Variants in NECTIN3 observed in about 807,000 individuals in gnomAD.
NECTIN3 encodes the protein nectin-3.
Under a neutral mutation model 49.4 loss-of-function variants are expected in NECTIN3, and 8 were observed. The ratio of observed to expected loss-of-function variants is 0.16; its 90% confidence interval spans 0.10 to 0.29. NECTIN3 has a LOEUF of 0.29. Ranked by LOEUF, NECTIN3 falls within the 10% of genes least tolerant of loss-of-function variation. The probability of loss-of-function intolerance (pLI) is 1.00; values close to 1 mark genes in which losing one functional copy is unlikely to be tolerated. For synonymous variants in NECTIN3, 277 were observed against 241.1 expected (o/e 1.15, Z -1.38); for missense variants, 581 against 654.6 (o/e 0.89, Z 1.23).
rs1411619490 is a variant in NECTIN3, at chr3:111,071,998, G to A, written c.-20G>A. 8.9e-6 allele frequency: 13 copies of A among 1,468,632 alleles called. No homozygotes were observed. The highest frequency in any genetic ancestry group is 2.8e-5 in the East Asian group (1 of 35,154). The allele number at this position is 1,468,632 out of a possible 1,614,324, so 91.0% of individuals were successfully genotyped here. A position where few individuals can be genotyped will look rare whatever the true frequency, so the allele number is the denominator to read the frequency against. On this transcript the variant is annotated 5_prime_UTR_variant, in exon 1 of 6. Coordinates refer to ENST00000485303, the MANE Select transcript of NECTIN3 (RefSeq NM_015480.3). ...GAGCCGGGGGGCGGGCGGGCGAGCGGGCCGGGGGGAGGGTGGGGGATGGCG... is the reference window on the plus strand; with the variant it reads ...GAGCCGGGGGGCGGGCGGGCGAGCGAGCCGGGGGGAGGGTGGGGGATGGCG...
chr3:111,154,894 A>G (rs1173072716), intron 7 of NECTIN3, among the ~76,000 whole-genome samples: 1 of 152,092 alleles, frequency 6.6e-6, no homozygotes, highest in East Asian at 1.9e-4. Context: ...TTTGTCAGCT[A>G]TATAATTAGA....
At chr3:111,129,954 A>AT (rs547491944) in intron 5 of NECTIN3, among the ~76,000 whole-genome samples, 2,418 of 131,576 alleles carry the variant, frequency 0.018, 34 homozygotes, top group African/African-American at 0.032. Flanking sequence ...CCAGCAGAGA[A>AT]TTTTTTTTTT....
chr3:111,072,013 G>A lies in NECTIN3; in HGVS notation c.-5G>A, dbSNP rs888542953. Reference sequence around the variant, plus strand: ...CGGGCGAGCGGGCCGGGGGGAGGGTGGGGGATGGCGCGGACCCTGCGGCCG... The same window carrying A: ...CGGGCGAGCGGGCCGGGGGGAGGGTAGGGGATGGCGCGGACCCTGCGGCCG... On this transcript the variant is annotated 5_prime_UTR_variant, in exon 1 of 6. Transcript: ENST00000485303. The A allele has an allele frequency of 1.3e-6, 2 of 1,503,520 alleles. No homozygotes were observed. Among genetic ancestry groups the A allele is most frequent in the South Asian group, 1.3e-5 (1 of 79,348 alleles). 93.1% of individuals were successfully genotyped at this position (1,503,520 alleles called of 1,614,324 possible).
chr3:111,155,677 G>T (rs904559544), intron 7 of NECTIN3, among the ~76,000 whole-genome samples: 86 of 152,280 alleles, frequency 5.6e-4, no homozygotes, highest in African/African-American at 2.0e-3. Flanking sequence ...ATTTAGTGTT[G>T]ATTTTATTCT....
chr3:111,089,299 T>C (rs2032113134), intron 1 of NECTIN3, among the ~76,000 whole-genome samples: 1 of 152,036 alleles, frequency 6.6e-6, no homozygotes, highest in African/African-American at 2.4e-5. Flanking sequence ...TTATTTTCTT[T>C]TCTATCTTAT....
At chr3:111,173,667 C>T (rs1222891831) in intron 7 of NECTIN3, among the ~76,000 whole-genome samples, 1 of 152,048 alleles carries the variant, frequency 6.6e-6, no homozygotes, top group Non-Finnish European at 1.5e-5. Flanking sequence ...GAATATGATC[C>T]TCCTCACTCT....
chr3:111,116,102 T>C (rs1016494314), intron 2 of NECTIN3, among the ~76,000 whole-genome samples: 2 of 152,098 alleles, frequency 1.3e-5, no homozygotes, highest in Admixed American at 1.3e-4. Context: ...GGTAGTAGTG[T>C]TTATCAGATA....
In NECTIN3 at chr3:111,111,946, G is replaced by C. The variant is rs905971885; in HGVS notation, c.161-84G>C. 41 of 756,424 alleles carry C rather than the reference G, an allele frequency of 5.4e-5. 2 individuals are homozygous for C. In the South Asian group the frequency reaches 6.9e-4, roughly 13 times the overall value. 46.9% of individuals were successfully genotyped at this position (756,424 alleles called of 1,614,324 possible). A position where few individuals can be genotyped will look rare whatever the true frequency, so the allele number is the denominator to read the frequency against. On this transcript the variant is annotated intron_variant, in intron 1 of 5. Transcript: ENST00000485303. ...GTGTGTGTGTGTGTAGCTAGAGATA[G>C]TTACACAGGGGGTCAGGAAGGGAGG...
chr3:111,104,608 A>G (rs892111527), intron 1 of NECTIN3, among the ~76,000 whole-genome samples: 1 of 152,092 alleles, frequency 6.6e-6, no homozygotes, highest in African/African-American at 2.4e-5. Flanking sequence ...GTCATGAGCC[A>G]CTGCACCCGA....
intron 5 of NECTIN3, among the ~76,000 whole-genome samples, chr3:111,131,736 G>A (rs1234005129): frequency 6.6e-6 from 1 of 151,654 alleles, no homozygotes; most frequent in South Asian, 2.1e-4. Flanking sequence ...TAAATGTCAG[G>A]GTTTCATTAT....
chr3:111,093,496 G>A (rs375407464), intron 1 of NECTIN3, among the ~76,000 whole-genome samples: 16 of 150,790 alleles, frequency 1.1e-4, no homozygotes, highest in South Asian at 4.3e-4. Flanking sequence ...GTGCAATGGC[G>A]TGATCTTGGC....
chr3:111,166,223 C>A lies in NECTIN3; in HGVS notation c.1221+18739C>A, dbSNP rs554801782. ...ACCCCCAGCAATTAAATACTTGAAGCTTCAAGTGCTATCTTGCTTTCTCCC... is the reference window on the plus strand; with the variant it reads ...ACCCCCAGCAATTAAATACTTGAAGATTCAAGTGCTATCTTGCTTTCTCCC... On this transcript the variant is annotated intron_variant, in intron 7 of 8. Coordinates refer to the NECTIN3 transcript ENST00000493615. 7.9e-5 allele frequency among the ~76,000 whole-genome samples: 12 copies of A among 152,284 alleles called. No individual in the cohort carries two copies. The South Asian group carries it at 2.5e-3, about 32-fold the overall frequency.
chr3:111,125,375 G>A (rs1482013824), intron 4 of NECTIN3, among the ~76,000 whole-genome samples: 1 of 151,952 alleles, frequency 6.6e-6, no homozygotes, highest in Non-Finnish European at 1.5e-5. Flanking sequence ...AAACCTTTAA[G>A]CTTTAAAAAC....
intron 1 of NECTIN3, chr3:111,193,550 T>A: frequency 1.4e-6 from 1 of 725,496 alleles, no homozygotes; most frequent in Non-Finnish European, 2.2e-6. Flanking sequence ...TTTTCTTCAT[T>A]AAGCGTTTCT....
intron 6 of NECTIN3, among the ~76,000 whole-genome samples, chr3:111,146,940 G>T (rs1015373978): frequency 7.9e-5 from 12 of 152,134 alleles, no homozygotes; most frequent in African/African-American, 2.9e-4. Context: ...ATAATGGTCT[G>T]TACGTTGAAA....
chr3:111,188,556 A>G (rs911493817), upstream of NECTIN3, among the ~76,000 whole-genome samples: 5 of 152,176 alleles, frequency 3.3e-5, no homozygotes, highest in African/African-American at 1.2e-4. Flanking sequence ...ACTTCTGGCT[A>G]TTTAAAAAAG....
At chr3:111,111,540 A>T (rs777959377) in intron 1 of NECTIN3, among the ~76,000 whole-genome samples, 1 of 152,138 alleles carries the variant, frequency 6.6e-6, no homozygotes, top group African/African-American at 2.4e-5. Flanking sequence ...ATTTACCCCA[A>T]AACATAATGG....
intron 5 of NECTIN3, among the ~76,000 whole-genome samples, chr3:111,143,238 G>C (rs963593268): frequency 3.3e-5 from 5 of 151,770 alleles, no homozygotes; most frequent in African/African-American, 1.2e-4. Context: ...TATTCAAATG[G>C]AGATAGATTA....
At chr3:111,155,026 C>G (rs1386293657) in intron 7 of NECTIN3, among the ~76,000 whole-genome samples, 2 of 152,132 alleles carry the variant, frequency 1.3e-5, no homozygotes, top group Admixed American at 1.3e-4. Context: ...CAACCTCCTA[C>G]TCCCAGGTTC....
Sources: gnomAD v4.1 joint callset for allele counts (sites outside exome capture counted in the v4.1 genomes callset) on GRCh38, gnomAD v4.1.1 for gene constraint, MANE v1.5 for transcripts, NCBI Gene and HGNC (gene_info 2026-07-23, HGNC 2026-07-21) for gene names.